Variants in KCNAB2 observed in about 807,000 individuals in gnomAD.
KCNAB2 encodes potassium voltage-gated channel subfamily A regulatory beta subunit 2, also known as voltage-gated potassium channel subunit beta-2.
Under a neutral mutation model 63.6 loss-of-function variants are expected in KCNAB2, and 29 were observed. That is an observed-to-expected ratio of 0.46 (90% confidence interval 0.34 to 0.62). The LOEUF is 0.62. KCNAB2 is among the 20% of genes least tolerant of loss of function. The pLI is 0.01. For synonymous variants in KCNAB2, 222 were observed against 224.2 expected (o/e 0.99, Z 0.09); for missense variants, 359 against 563.9 (o/e 0.64, Z 3.68).
chr1:6,004,737 A>G (rs1469202063), intron 1 of KCNAB2, among the ~76,000 whole-genome samples: 1 of 152,114 alleles, frequency 6.6e-6, no homozygotes, highest in Non-Finnish European at 1.5e-5. Context: ...CCTTTTGCCA[A>G]ATAATTCCAC....
At chr1:6,008,885 T>A (rs919053242) in intron 1 of KCNAB2, among the ~76,000 whole-genome samples, 2 of 152,150 alleles carry the variant, frequency 1.3e-5, no homozygotes, top group African/African-American at 4.8e-5. Flanking sequence ...TGAGGAGATG[T>A]CTGAAGCCTC....
chr1:6,066,046 C>A (rs1201409432), intron 2 of KCNAB2, among the ~76,000 whole-genome samples: 1 of 152,252 alleles, frequency 6.6e-6, no homozygotes, highest in African/African-American at 2.4e-5. Context: ...CAGCCAGGAT[C>A]TGAGCACCCG....
intron 1 of KCNAB2, among the ~76,000 whole-genome samples, chr1:5,999,822 C>T (rs1199870807): frequency 2.6e-5 from 4 of 152,046 alleles, no homozygotes; most frequent in Non-Finnish European, 4.4e-5. Flanking sequence ...ACCCTGCCTG[C>T]GCCCTGTCTG....
At chr1:6,089,136 C>G in intron 8 of KCNAB2, 85 bp downstream of exon 8, 1 of 1,372,188 alleles carries the variant, frequency 7.3e-7, no homozygotes, top group South Asian at 1.2e-5. Context: ...CAGGGCCCGA[C>G]CCCCCCAGTT....
intron 5 of KCNAB2, among the ~76,000 whole-genome samples, chr1:6,084,633 T>G (rs368071939): frequency 6.6e-6 from 1 of 152,030 alleles, no homozygotes; most frequent in African/African-American, 2.4e-5. Context: ...CTGGCCAACA[T>G]AGTGAAACCC....
At chr1:6,020,841 G>A (rs1394469989) in intron 1 of KCNAB2, among the ~76,000 whole-genome samples, 1 of 152,004 alleles carries the variant, frequency 6.6e-6, no homozygotes, top group Non-Finnish European at 1.5e-5. Context: ...TAATTTTTGT[G>A]TAGAGATGGG....
upstream of KCNAB2, chr1:6,045,837 G>A (rs1401875135): frequency 1.9e-5 from 18 of 927,446 alleles, no homozygotes; most frequent in Non-Finnish European, 2.1e-5. This position sits in a 1 kb window ranked among gnomAD's most constrained non-coding sequence, Gnocchi z 4.8. Context: ...CCTGAGGGAC[G>A]GGCAGGACCT....
intron 15 of KCNAB2, chr1:6,097,627 AG>A (rs1665760129): frequency 1.6e-6 from 1 of 615,084 alleles, no homozygotes; most frequent in African/African-American, 1.8e-5. Flanking sequence ...AGCTGGGGCC[AG>A]GGACGGTGGC....
At position 6,086,333 on chromosome 1, in the gene KCNAB2, C is replaced by T. The variant is rs1318669679; in HGVS notation, c.425+1085C>T. The T allele has an allele frequency of 3.0e-6, 3 of 985,246 alleles. No individual in the cohort carries two copies. Among genetic ancestry groups the T allele is most frequent in the Non-Finnish European group, 3.6e-6 (3 of 829,930 alleles). 61.0% of individuals were successfully genotyped at this position (985,246 alleles called of 1,614,324 possible). On this transcript the variant is annotated intron_variant, in intron 6 of 15. Coordinates refer to ENST00000378083, the MANE Select transcript of KCNAB2 (RefSeq NM_001199862.2). The surrounding 1 kb of genome is among the most constrained non-coding windows in gnomAD (Gnocchi z 4.2). ...ACTCTGATCCCAAAACAAATTCCTC[C>T]TCACCCTGTAATTAAACGAAATTGC...
rs566608446 is a variant in KCNAB2, at chr1:6,035,070, T to C, written c.-53+276T>C. Among the ~76,000 whole-genome samples the C allele has an allele frequency of 1.0e-3, 157 of 151,926 alleles. No individual in the cohort carries two copies. The highest frequency in any genetic ancestry group is 1.9e-3 in the Non-Finnish European group (129 of 67,930). ...TCCAGGGAAGACCTCCATGAGAAGG[T>C]GACCTTGGCATAAAGAGGCAAACGT... is the stretch of plus-strand genomic sequence containing the variant. On this transcript the variant is annotated intron_variant, in intron 1 of 15. Transcript: ENST00000164247. The surrounding 1 kb of genome is among the most constrained non-coding windows in gnomAD (Gnocchi z 5.0).
intron 6 of KCNAB2, chr1:6,085,876 G>A (rs1258867387): frequency 2.0e-6 from 2 of 986,910 alleles, no homozygotes; most frequent in South Asian, 4.7e-5. Flanking sequence ...CTCAGGGCGG[G>A]ACGTGTCACA....
At chr1:6,084,741 A>G (rs754620505) in intron 5 of KCNAB2, among the ~76,000 whole-genome samples, 59 of 151,380 alleles carry the variant, frequency 3.9e-4, no homozygotes, top group Non-Finnish European at 6.0e-4. Context: ...GCTTGAACCC[A>G]GGAGGCAGAG....
intron 1 of KCNAB2, among the ~76,000 whole-genome samples, chr1:6,049,155 C>T (rs376274535): frequency 6.6e-6 from 1 of 152,258 alleles, no homozygotes; most frequent in Non-Finnish European, 1.5e-5. Flanking sequence ...AAGCCAGCCC[C>T]GCCCCCACCA....
At chr1:6,037,401 T>A (rs1660129722) in intron 1 of KCNAB2, among the ~76,000 whole-genome samples, 1 of 152,222 alleles carries the variant, frequency 6.6e-6, no homozygotes. Context: ...TGTTTGCTTA[T>A]GCAGCATCCA....
intron 1 of KCNAB2, among the ~76,000 whole-genome samples, chr1:6,016,020 T>TA (rs1262288817): frequency 2.6e-5 from 4 of 152,084 alleles, no homozygotes; most frequent in African/African-American, 7.2e-5. Context: ...TGTTTTTATT[T>TA]AAAAAAGAAA....
At chr1:6,055,036 G>A (rs1180803643) in intron 2 of KCNAB2, among the ~76,000 whole-genome samples, 1 of 152,158 alleles carries the variant, frequency 6.6e-6, no homozygotes, top group Non-Finnish European at 1.5e-5. Context: ...TGCCCCAACA[G>A]GAGCCACGAG....
intron 1 of KCNAB2, among the ~76,000 whole-genome samples, chr1:6,027,762 G>A (rs2100366332): frequency 6.6e-6 from 1 of 152,266 alleles, no homozygotes; most frequent in East Asian, 1.9e-4. Flanking sequence ...ATGACCTTGG[G>A]CACCGTGGTT....
intron 1 of KCNAB2, among the ~76,000 whole-genome samples, chr1:6,000,186 C>G (rs1167086708): frequency 6.7e-6 from 1 of 150,190 alleles, no homozygotes; most frequent in Non-Finnish European, 1.5e-5. Context: ...CCCCGCACCC[C>G]CTAGAGGGTA....
rs931328504 is a variant in KCNAB2, at chr1:6,063,953, C to G, written c.219-8802C>G. Among the ~76,000 whole-genome samples, 8 of 152,320 alleles carry G rather than the reference C, an allele frequency of 5.3e-5. No individual in the cohort carries two copies. The South Asian group carries it at 1.7e-3, about 32-fold the overall frequency. On this transcript the variant is annotated intron_variant, in intron 2 of 15. Coordinates refer to ENST00000378083, the MANE Select transcript of KCNAB2 (RefSeq NM_001199862.2). ...GCCGATGACATTTTACACTTGGTGA[C>G]TGAAAGTCTCGTGAGTCTCCCTGAA...
Sources: gnomAD v4.1 joint callset for allele counts (sites outside exome capture counted in the v4.1 genomes callset) on GRCh38, gnomAD v4.1.1 for gene constraint, Gnocchi (gnomAD v3.1) non-coding constraint, MANE v1.5 for transcripts, NCBI Gene and HGNC (gene_info 2026-07-23, HGNC 2026-07-21) for gene names.